Variants in IL1RAPL1 observed in about 807,000 individuals in gnomAD.
IL1RAPL1 encodes the protein interleukin-1 receptor accessory protein-like 1.
Under a neutral mutation model 48.4 loss-of-function variants are expected in IL1RAPL1, and 3 were observed. The ratio of observed to expected loss-of-function variants is 0.06; its 90% CI spans 0.03 to 0.16. The LOEUF is 0.16. Among genes scored for constraint, IL1RAPL1 ranks in the 10% least tolerant of loss-of-function variants. The pLI, the probability that IL1RAPL1 is intolerant of heterozygous loss-of-function variation, is 1.00. For missense variants in IL1RAPL1, 349 were observed against 530.6 expected (o/e 0.66, Z 3.36); for synonymous variants, 185 against 187.7 (o/e 0.99, Z 0.12).
At chrX:29,122,409 T>TCTCACACACACACA (rs60632925) in intron 2 of IL1RAPL1, among the ~76,000 whole-genome samples, 15 of 64,586 alleles carry the variant, frequency 2.3e-4, no homozygotes, top group African/African-American at 1.0e-3. Flanking sequence ...TCTCTCTCTC[T>TCTCACACACACACA]CACACACACA....
intron 2 of IL1RAPL1, among the ~76,000 whole-genome samples, chrX:28,807,817 G>C (rs778866274): frequency 1.1e-4 from 12 of 110,898 alleles, no homozygotes; most frequent in Non-Finnish European, 1.9e-4. Context: ...ACACTTTTTG[G>C]ATTTAATTGG....
At chrX:29,208,305 T>G (rs766421474) in intron 2 of IL1RAPL1, among the ~76,000 whole-genome samples, 20 of 111,639 alleles carry the variant, frequency 1.8e-4, no homozygotes, top group African/African-American at 6.5e-4. Context: ...GCCATAAGTC[T>G]AAAAACCCAA....
chrX:29,425,081 CAG>C (rs753771384), intron 5 of IL1RAPL1, among the ~76,000 whole-genome samples: 181 of 111,690 alleles, frequency 1.6e-3, no homozygotes, highest in African/African-American at 5.6e-3. Flanking sequence ...GTAAGCCTGA[CAG>C]AGCCATTTTA....
chrX:29,743,012 A>T (rs1928243837), intron 6 of IL1RAPL1, among the ~76,000 whole-genome samples: 1 of 110,514 alleles, frequency 9.0e-6, no homozygotes, highest in Admixed American at 9.8e-5. Context: ...AAAGTGTGTT[A>T]AAATGGCACT....
intron 2 of IL1RAPL1, among the ~76,000 whole-genome samples, chrX:29,048,415 G>A (rs1344195060): frequency 8.9e-6 from 1 of 111,991 alleles, no homozygotes; most frequent in Admixed American, 9.5e-5. Context: ...GTAGGTATCA[G>A]ATGTTGAATA....
intron 2 of IL1RAPL1, among the ~76,000 whole-genome samples, chrX:28,910,673 G>A (rs1301901858): frequency 9.2e-6 from 1 of 108,825 alleles, no homozygotes; most frequent in African/African-American, 3.3e-5. Flanking sequence ...GGAATTCTAA[G>A]ATAGATGACT....
chrX:29,521,599 T>C (rs1935503703), intron 5 of IL1RAPL1, among the ~76,000 whole-genome samples: 1 of 112,448 alleles, frequency 8.9e-6, no homozygotes, highest in Non-Finnish European at 1.9e-5. Flanking sequence ...GCCTTTCAGA[T>C]CACTTACAGT....
At chrX:29,277,859 A>G (rs1932142817) in intron 2 of IL1RAPL1, among the ~76,000 whole-genome samples, 1 of 112,077 alleles carries the variant, frequency 8.9e-6, no homozygotes. Context: ...GCTTATACAC[A>G]TAGCCTGAAG....
chrX:28,787,062 C>G (rs1478443735), intron 1 of IL1RAPL1, among the ~76,000 whole-genome samples: 1 of 112,075 alleles, frequency 8.9e-6, no homozygotes, highest in East Asian at 2.8e-4. Flanking sequence ...TTCCCTAATA[C>G]ATAAAGTTTC....
chrX:28,728,269 T>A (rs966099175), intron 1 of IL1RAPL1, among the ~76,000 whole-genome samples: 1 of 111,584 alleles, frequency 9.0e-6, no homozygotes, highest in African/African-American at 3.2e-5. Flanking sequence ...CCTTTCAAAA[T>A]TAGCAGAAAG....
At chrX:29,319,977 G>A (rs1932792874) in intron 3 of IL1RAPL1, among the ~76,000 whole-genome samples, 1 of 112,034 alleles carries the variant, frequency 8.9e-6, no homozygotes, top group African/African-American at 3.2e-5. Flanking sequence ...ATAACTAACT[G>A]TTGCTGTGTG....
chrX:29,769,568 C>A (rs1362354231), intron 6 of IL1RAPL1, among the ~76,000 whole-genome samples: 1 of 98,700 alleles, frequency 1.0e-5, no homozygotes, highest in Admixed American at 1.1e-4. Flanking sequence ...CTCAGCCTCC[C>A]GAGTAGCTGG....
At chrX:28,623,217 G>T (rs967825155) in intron 1 of IL1RAPL1, among the ~76,000 whole-genome samples, 6 of 110,577 alleles carry the variant, frequency 5.4e-5, no homozygotes, top group Non-Finnish European at 1.1e-4. Flanking sequence ...TCCATTTGAG[G>T]GCTGCTCAGG....
intron 6 of IL1RAPL1, among the ~76,000 whole-genome samples, chrX:29,703,853 A>G (rs1927120094): frequency 8.9e-6 from 1 of 111,943 alleles, no homozygotes; most frequent in South Asian, 3.6e-4. Flanking sequence ...TTCATTATAA[A>G]TAATTATCTT....
chrX:28,772,047 CAG>C (rs1188412640), intron 1 of IL1RAPL1, among the ~76,000 whole-genome samples: 1 of 107,326 alleles, frequency 9.3e-6, no homozygotes. Context: ...GGTGAAAAAA[CAG>C]TGGTTTCACT....
Position 29,884,278 on chromosome X carries a change from G to A in IL1RAPL1, c.779-33186G>A, listed in dbSNP as rs745696648. 1.3e-4 allele frequency among the ~76,000 whole-genome samples: 14 copies of A among 111,121 alleles called. No homozygotes were observed. In the South Asian group the frequency reaches 1.9e-3, roughly 15 times the overall value. On this transcript the variant is annotated intron_variant, in intron 6 of 10. Coordinates refer to ENST00000378993, the MANE Select transcript of IL1RAPL1 (RefSeq NM_014271.4). ...TATCATGTAATACACAATAGGTAGC[G>A]TATAATATGTGATTTCCAGTGACCA...
At chrX:29,773,575 G>T (rs1421032968) in intron 6 of IL1RAPL1, among the ~76,000 whole-genome samples, 1 of 112,297 alleles carries the variant, frequency 8.9e-6, no homozygotes, top group Non-Finnish European at 1.9e-5. Context: ...TTGTTAAATT[G>T]TCTCTCATTG....
At chrX:28,916,773 T>C (rs778393452) in intron 2 of IL1RAPL1, among the ~76,000 whole-genome samples, 59 of 112,366 alleles carry the variant, frequency 5.3e-4, no homozygotes, top group African/African-American at 1.9e-3. Flanking sequence ...CTTCACACAT[T>C]TGTAAGGAAG....
chrX:29,779,538 C>T (rs1388645878), intron 6 of IL1RAPL1, among the ~76,000 whole-genome samples: 1 of 111,120 alleles, frequency 9.0e-6, no homozygotes, highest in African/African-American at 3.3e-5. Flanking sequence ...GTACACCCAA[C>T]TCCCGTGACA....
Sources: allele counts gnomAD v4.1 joint callset (sites outside exome capture counted in the v4.1 genomes callset), GRCh38; gene constraint gnomAD v4.1.1; transcripts MANE v1.5; gene names NCBI Gene and HGNC (gene_info 2026-07-23, HGNC 2026-07-21).